The following DLGAP2 variants were observed in gnomAD, a reference collection of about 807,000 sequenced individuals.
The protein encoded by DLGAP2 is DLG associated protein 2.
A neutral mutation model predicts 100.3 loss-of-function variants in DLGAP2; 26 were observed. The observed-to-expected ratio is 0.26, with a 90% confidence interval of 0.19 to 0.36. DLGAP2 has a LOEUF of 0.36. Ranked by LOEUF, DLGAP2 falls within the 10% of genes least tolerant of loss-of-function variation. The pLI, the probability that DLGAP2 is intolerant of heterozygous loss-of-function variation, is 1.00. For synonymous variants in DLGAP2, 886 were observed against 630.1 expected (o/e 1.41, Z -6.08); for missense variants, 1,858 against 1,453.2 (o/e 1.28, Z -4.53).
chr8:1,647,406 G>T (rs1240458934), intron 8 of DLGAP2, among the ~76,000 whole-genome samples: 1 of 144,896 alleles, frequency 6.9e-6, no homozygotes, highest in Non-Finnish European at 1.5e-5. Context: ...GGAGAATGGA[G>T]TGAACCCGGG....
chr8:1,565,336 T>A (rs138194285), intron 5 of DLGAP2, among the ~76,000 whole-genome samples: 9 of 152,218 alleles, frequency 5.9e-5, no homozygotes, highest in African/African-American at 1.2e-4. Flanking sequence ...CTCTGTTCAG[T>A]TTCTCAACTT....
rs1796191867 is a variant in DLGAP2 at position 1,385,243 on chromosome 8, GA to G, written c.107-116122del. On this transcript the variant is annotated intron_variant, in intron 3 of 14. Transcript: ENST00000637795. ...ATGCCCGTCCCCTGAGAACTTGGTG[GA>G]CAGTTACCCGGCCTGTGCCCGTCCC... Among the ~76,000 whole-genome samples the G allele has an allele frequency of 4.6e-5, 2 of 43,164 alleles. 1 individual carries two copies. The highest frequency in any genetic ancestry group is 1.0e-4 in the Non-Finnish European group (2 of 19,226). 28.3% of individuals were successfully genotyped at this position (43,164 alleles called of 152,430 possible).
In DLGAP2 at chr8:1,668,577, C is replaced by A; in HGVS notation, c.2059C>A (p.Pro687Thr). Reference sequence around the variant, plus strand: ...AACGGCCGCTGCCCAGCGCCACCTGCCAGAGAGCCAGAGCAGCTCTGTGCG... The same window carrying A: ...AACGGCCGCTGCCCAGCGCCACCTGACAGAGAGCCAGAGCAGCTCTGTGCG... ...LETAAAQRHL[P>T]ESQSSSVRTS... Residue 687 changes from proline to threonine, a missense_variant, in exon 9 of 15, where the codon CCA becomes ACA. Transcript: ENST00000637795. 1 of 1,595,230 alleles carries A rather than the reference C, an allele frequency of 6.3e-7. No individual in the cohort carries two copies. Among genetic ancestry groups the A allele is most frequent in the Non-Finnish European group, 8.5e-7 (1 of 1,171,932 alleles).
chr8:1,523,763 TA>T (rs777964112), intron 4 of DLGAP2, among the ~76,000 whole-genome samples: 4 of 152,206 alleles, frequency 2.6e-5, no homozygotes, highest in Non-Finnish European at 5.9e-5. Context: ...GTTACATCCC[TA>T]AAAGACAAGC....
At chr8:1,521,729 G>GCAGCA (rs1287303647) in intron 4 of DLGAP2, among the ~76,000 whole-genome samples, 11 of 18,064 alleles carry the variant, frequency 6.1e-4, no homozygotes, top group Non-Finnish European at 9.6e-4. Context: ...GAATACTCGG[G>GCAGCA]GGCAGCTGAT....
intron 2 of DLGAP2, among the ~76,000 whole-genome samples, chr8:1,101,809 CG>C: frequency 4.1e-5 from 1 of 24,356 alleles, no homozygotes; most frequent in Admixed American, 3.7e-4. Flanking sequence ...GAGCCGAACA[CG>C]ACACGACGAT....
rs13256499 is a variant in DLGAP2 at position 1,172,662 on chromosome 8, C to T, written c.74-86189C>T. On this transcript the variant is annotated intron_variant, in intron 2 of 14. Transcript: ENST00000637795. ...TCTTCCATCGCTGATACCCTTTCTTCCAGTTGATCACATCGGCTCCTGGGG... is the reference window on the plus strand; with the variant it reads ...TCTTCCATCGCTGATACCCTTTCTTTCAGTTGATCACATCGGCTCCTGGGG... Among the ~76,000 whole-genome samples the T allele has an allele frequency of 2.0e-5, 3 of 152,058 alleles. No homozygotes were observed. The East Asian group carries it at 5.8e-4, about 29-fold the overall frequency.
chr8:802,209 G>GT (rs1796181109), intron 1 of DLGAP2, among the ~76,000 whole-genome samples: 1 of 149,790 alleles, frequency 6.7e-6, no homozygotes, highest in Non-Finnish European at 1.5e-5. Flanking sequence ...CTCCTCCTGG[G>GT]CCCTCCATCC....
intron 3 of DLGAP2, among the ~76,000 whole-genome samples, chr8:1,308,829 A>G (rs1055721166): frequency 6.6e-6 from 1 of 152,236 alleles, no homozygotes; most frequent in Non-Finnish European, 1.5e-5. Context: ...CTGGCCCTAA[A>G]TAATATTTTT....
At chr8:756,373 G>T (rs1820922083) in intron 1 of DLGAP2, among the ~76,000 whole-genome samples, 1 of 152,194 alleles carries the variant, frequency 6.6e-6, no homozygotes, top group African/African-American at 2.4e-5. Flanking sequence ...GCCAGGTTGG[G>T]TTAGAAACCA....
chr8:1,128,170 T>G (rs976723615), intron 2 of DLGAP2, among the ~76,000 whole-genome samples: 3 of 151,772 alleles, frequency 2.0e-5, no homozygotes, highest in Admixed American at 6.6e-5. Context: ...GGTGTTGTGT[T>G]CCGTGAGGAC....
intron 2 of DLGAP2, among the ~76,000 whole-genome samples, chr8:996,503 T>C (rs1260815717): frequency 2.0e-5 from 3 of 152,180 alleles, no homozygotes; most frequent in African/African-American, 7.2e-5. Flanking sequence ...GAGGCTCAGG[T>C]TTGTGCCTGT....
chr8:1,141,857 G>A (rs1796527637), intron 2 of DLGAP2, among the ~76,000 whole-genome samples: 1 of 152,022 alleles, frequency 6.6e-6, no homozygotes, highest in Admixed American at 6.6e-5. Flanking sequence ...GATTTTAGAT[G>A]CTTTCTTTGT....
At chr8:994,839 C>G (rs181819623) in intron 2 of DLGAP2, among the ~76,000 whole-genome samples, 6 of 152,302 alleles carry the variant, frequency 3.9e-5, no homozygotes, top group Admixed American at 3.9e-4. Flanking sequence ...AGTCATTCAG[C>G]TCCAGTTTAC....
At chr8:1,348,093 CCT>C (rs1159863167) in intron 3 of DLGAP2, among the ~76,000 whole-genome samples, 1 of 150,178 alleles carries the variant, frequency 6.7e-6, no homozygotes, top group Non-Finnish European at 1.5e-5. Context: ...AGGCTGAGTT[CCT>C]ATACAGAGCT....
At chr8:800,773 CAT>C (rs1450527260) in intron 1 of DLGAP2, among the ~76,000 whole-genome samples, 1 of 152,026 alleles carries the variant, frequency 6.6e-6, no homozygotes, top group African/African-American at 2.4e-5. Context: ...TCTGTGTGCA[CAT>C]ATGTTTTCTG....
At chr8:918,080 C>A (rs142463725) in intron 2 of DLGAP2, among the ~76,000 whole-genome samples, 4 of 152,112 alleles carry the variant, frequency 2.6e-5, no homozygotes, top group African/African-American at 9.7e-5. Flanking sequence ...TTGGGAGCTA[C>A]GGGTGTAAAA....
chr8:1,486,640 C>G (rs921324653), intron 3 of DLGAP2, among the ~76,000 whole-genome samples: 1 of 152,126 alleles, frequency 6.6e-6, no homozygotes, highest in African/African-American at 2.4e-5. Flanking sequence ...ACTAACAGAA[C>G]TGCATTTGTC....
At chr8:1,248,327 C>T (rs74202406) in intron 2 of DLGAP2, among the ~76,000 whole-genome samples, 3 of 56,880 alleles carry the variant, frequency 5.3e-5, no homozygotes, top group African/African-American at 1.9e-4. Flanking sequence ...CGTCGGTGGC[C>T]GGGAAGACCT....
Sources: allele counts gnomAD v4.1 joint callset (sites outside exome capture counted in the v4.1 genomes callset), GRCh38; gene constraint gnomAD v4.1.1; transcripts MANE v1.5; gene names NCBI Gene and HGNC (gene_info 2026-07-23, HGNC 2026-07-21).